Variants in TRDN observed in about 807,000 individuals in gnomAD.
The protein encoded by TRDN is triadin.
TRDN carries 161 observed loss-of-function variants against 149.7 expected under a neutral mutation model. The ratio of observed to expected loss-of-function variants is 1.08; its 90% CI spans 0.95 to 1.23. The LOEUF (loss-of-function observed/expected upper bound fraction) is 1.23, where lower values mean the gene tolerates loss of function less well. TRDN is among the 50% of genes most tolerant of loss of function. The pLI is 0.00. For synonymous variants in TRDN, 294 were observed against 250.5 expected (o/e 1.17, Z -1.64); for missense variants, 896 against 823.5 (o/e 1.09, Z -1.08).
chr6:123,492,174 A>G (rs1399999459), intron 9 of TRDN, among the ~76,000 whole-genome samples: 5 of 152,156 alleles, frequency 3.3e-5, no homozygotes, highest in Non-Finnish European at 7.4e-5. Context: ...TAAAGAAAAC[A>G]AATGACACAA....
intron 7 of TRDN, among the ~76,000 whole-genome samples, chr6:123,509,135 T>C (rs1255175722): frequency 1.3e-5 from 2 of 152,120 alleles, no homozygotes; most frequent in African/African-American, 4.8e-5. Context: ...TATATACTTA[T>C]GCATACATAT....
At chr6:123,465,636 A>G (rs1442044206) in intron 9 of TRDN, among the ~76,000 whole-genome samples, 3 of 151,440 alleles carry the variant, frequency 2.0e-5, no homozygotes, top group Non-Finnish European at 4.4e-5. Context: ...AAAACCCACA[A>G]TCATTTCCAA....
intron 8 of TRDN, among the ~76,000 whole-genome samples, chr6:123,499,045 A>T (rs1052770658): frequency 4.6e-5 from 7 of 152,014 alleles, no homozygotes; most frequent in Non-Finnish European, 8.8e-5. Flanking sequence ...TCCTTAGATG[A>T]ATCTAATTAG....
rs1786352824 is a variant in TRDN at position 123,636,881 on chromosome 6, T to C, written c.-106A>G. 2.2e-6 allele frequency: 3 copies of C among 1,337,012 alleles called. No homozygotes were observed. Among genetic ancestry groups the C allele is most frequent in the South Asian group, 1.2e-5 (1 of 83,430 alleles). 82.8% of individuals were successfully genotyped at this position (1,337,012 alleles called of 1,614,324 possible). ...TGGTGGAGGGTTCTGTGTCAAAACC[T>C]GGGGGCTCTTCGTTTTCCTGGCTGT... On this transcript the variant is annotated 5_prime_UTR_variant, in exon 1 of 41. Transcript: ENST00000334268.
chr6:123,407,274 C>T (rs923612675), intron 12 of TRDN, among the ~76,000 whole-genome samples: 4 of 152,128 alleles, frequency 2.6e-5, no homozygotes, highest in Non-Finnish European at 4.4e-5. Flanking sequence ...CCAAACCGAA[C>T]GAAACATGTT....
intron 23 of TRDN, among the ~76,000 whole-genome samples, chr6:123,322,841 A>G (rs557469587): frequency 2.5e-4 from 38 of 151,774 alleles, no homozygotes; most frequent in African/African-American, 9.2e-4. Context: ...GGGTTTCACC[A>G]TATTAGCCAG....
intron 9 of TRDN, among the ~76,000 whole-genome samples, chr6:123,472,376 G>C (rs773523519): frequency 2.0e-5 from 3 of 152,226 alleles, no homozygotes; most frequent in Non-Finnish European, 2.9e-5. Context: ...TTTCCGACAG[G>C]CTTAAAAAAC....
intron 22 of TRDN, among the ~76,000 whole-genome samples, chr6:123,335,399 A>G (rs374282137): frequency 3.9e-5 from 6 of 152,004 alleles, no homozygotes; most frequent in African/African-American, 1.4e-4. Flanking sequence ...TCAATTGTAA[A>G]ATTATCTACT....
intron 22 of TRDN, 55 bp from the exon 23 acceptor site, chr6:123,331,984 A>G: frequency 7.4e-7 from 1 of 1,350,990 alleles, no homozygotes; most frequent in South Asian, 1.4e-5. Flanking sequence ...ATTTTCAGAT[A>G]CCTATAAATG....
At chr6:123,244,145 G>C (rs1032655894) in intron 38 of TRDN, among the ~76,000 whole-genome samples, 1 of 152,146 alleles carries the variant, frequency 6.6e-6, no homozygotes, top group African/African-American at 2.4e-5. Context: ...GAAAAAGCTA[G>C]TGCAAAAATG....
At chr6:123,634,020 C>A (rs1328073669) in intron 1 of TRDN, among the ~76,000 whole-genome samples, 1 of 151,968 alleles carries the variant, frequency 6.6e-6, no homozygotes, top group Non-Finnish European at 1.5e-5. Flanking sequence ...CTCTTATATT[C>A]TTAAGTGCCA....
At chr6:123,525,322 G>A (rs1779890073) in intron 5 of TRDN, among the ~76,000 whole-genome samples, 1 of 152,028 alleles carries the variant, frequency 6.6e-6, no homozygotes, top group Admixed American at 6.6e-5. Flanking sequence ...ATCAGTGGCT[G>A]ATTGGGTAAA....
chr6:123,457,058 T>A (rs988390302), intron 10 of TRDN, among the ~76,000 whole-genome samples: 7 of 152,352 alleles, frequency 4.6e-5, no homozygotes, highest in Admixed American at 1.3e-4. Context: ...TAGAATTCCA[T>A]AACAAGAAAG....
At chr6:123,377,298 T>A (rs745697693) in intron 18 of TRDN, among the ~76,000 whole-genome samples, 2 of 152,234 alleles carry the variant, frequency 1.3e-5, no homozygotes, top group Non-Finnish European at 2.9e-5. Context: ...CAAAGCGATG[T>A]ATAATGCATT....
At chr6:123,556,779 C>A (rs1354336533) in intron 2 of TRDN, among the ~76,000 whole-genome samples, 1 of 152,068 alleles carries the variant, frequency 6.6e-6, no homozygotes, top group African/African-American at 2.4e-5. Context: ...CTAGAGAGTT[C>A]TATGGTCTAA....
intron 20 of TRDN, among the ~76,000 whole-genome samples, chr6:123,360,474 T>C (rs1043951919): frequency 6.6e-6 from 1 of 152,056 alleles, no homozygotes; most frequent in Non-Finnish European, 1.5e-5. Context: ...ACAGAGAAGT[T>C]TGGAGAAGAG....
intron 8 of TRDN, chr6:123,502,675 T>G: frequency 2.0e-6 from 2 of 984,408 alleles, no homozygotes; most frequent in Non-Finnish European, 2.4e-6. Context: ...ATCCTCCAAA[T>G]AGCCTGCTCT....
intron 26 of TRDN, among the ~76,000 whole-genome samples, chr6:123,275,068 G>T (rs942024080): frequency 4.6e-5 from 7 of 152,086 alleles, no homozygotes; most frequent in African/African-American, 1.7e-4. Flanking sequence ...AACAACAAGA[G>T]TTGGAAGAGA....
chr6:123,217,869 C>A lies in TRDN; in HGVS notation c.*732G>T, dbSNP rs754393803. ...CTCATTTGCTAATATTTTAAACAAA[C>A]GATTCACCAGACCTGACTAATTGAA... On this transcript the variant is annotated 3_prime_UTR_variant, in exon 41 of 41. Transcript: ENST00000334268. 1 of 151,902 alleles carries A rather than the reference C, an allele frequency of 6.6e-6. No individual in the cohort carries two copies. Among genetic ancestry groups the A allele is most frequent in the South Asian group, 2.1e-4 (1 of 4,822 alleles). The allele number at this position is 151,902 out of a possible 1,614,324, so 9.4% of individuals were successfully genotyped here.
Sources: gnomAD v4.1 joint callset for allele counts (sites outside exome capture counted in the v4.1 genomes callset) on GRCh38, gnomAD v4.1.1 for gene constraint, MANE v1.5 for transcripts, NCBI Gene and HGNC (gene_info 2026-07-23, HGNC 2026-07-21) for gene names.